The following ABTB2 variants were observed in gnomAD, a reference collection of about 807,000 sequenced individuals.
ABTB2 encodes ankyrin repeat and BTB domain containing 2, also known as ankyrin repeat and BTB/POZ domain-containing protein 2.
A neutral mutation model predicts 104.1 loss-of-function variants in ABTB2; 56 were observed. The ratio of observed to expected loss-of-function variants is 0.54; its 90% CI spans 0.43 to 0.67. The LOEUF (loss-of-function observed/expected upper bound fraction) is 0.67, where lower values mean the gene tolerates loss of function less well. ABTB2 is among the 30% of genes least tolerant of loss of function. The probability of loss-of-function intolerance (pLI) is 0.00; values close to 1 mark genes in which losing one functional copy is unlikely to be tolerated. For synonymous variants in ABTB2, 606 were observed against 608.2 expected (o/e 1.00, Z 0.05); for missense variants, 1,279 against 1,407.7 (o/e 0.91, Z 1.46).
At chr11:34,336,093 C>T (rs796711215) in intron 1 of ABTB2, 22 of 309,234 alleles carry the variant, frequency 7.1e-5, no homozygotes, top group African/African-American at 3.6e-4. Flanking sequence ...CAGAACCTGA[C>T]GTTCCTGCCA....
intron 1 of ABTB2, among the ~76,000 whole-genome samples, chr11:34,294,551 A>G (rs908700088): frequency 2.6e-5 from 4 of 152,032 alleles, no homozygotes; most frequent in African/African-American, 9.7e-5. Flanking sequence ...TTGAAAGACA[A>G]TGTGCATGAG....
intron 6 of ABTB2, 85 bp from the exon 7 acceptor site, chr11:34,167,445 A>C: frequency 9.3e-7 from 1 of 1,074,670 alleles, no homozygotes. Flanking sequence ...AGAGTTAACA[A>C]GTGCTTTCTA....
At chr11:34,240,269 C>T (rs898517669) in intron 1 of ABTB2, among the ~76,000 whole-genome samples, 7 of 152,172 alleles carry the variant, frequency 4.6e-5, no homozygotes, top group African/African-American at 1.2e-4. Flanking sequence ...TTTGATGAAC[C>T]GTCTCCATCG....
At chr11:34,345,329 C>T (rs1855317483) in intron 1 of ABTB2, among the ~76,000 whole-genome samples, 1 of 152,166 alleles carries the variant, frequency 6.6e-6, no homozygotes, top group South Asian at 2.1e-4. Flanking sequence ...GCCAGGCTGG[C>T]CTCAGGTGAT....
chr11:34,306,901 C>A (rs16925413), intron 1 of ABTB2, among the ~76,000 whole-genome samples: 1 of 149,772 alleles, frequency 6.7e-6, no homozygotes, highest in Non-Finnish European at 1.5e-5. Context: ...TACTTAAAGA[C>A]GCCTCTGGAC....
intron 1 of ABTB2, among the ~76,000 whole-genome samples, chr11:34,220,501 C>A (rs1382351253): frequency 2.0e-5 from 3 of 152,214 alleles, no homozygotes; most frequent in South Asian, 2.1e-4. Context: ...ATTGCCTCAA[C>A]TGTGACATAC....
At chr11:34,230,248 A>G (rs1237158733) in intron 1 of ABTB2, among the ~76,000 whole-genome samples, 2 of 152,212 alleles carry the variant, frequency 1.3e-5, no homozygotes, top group Non-Finnish European at 2.9e-5. Flanking sequence ...CTGCACTAAC[A>G]TCCACATCTC....
chr11:34,317,844 A>G lies in ABTB2; in HGVS notation c.883+38857T>C, dbSNP rs77682086. Among the ~76,000 whole-genome samples, 1,275 of 152,008 alleles carry G rather than the reference A, an allele frequency of 8.4e-3. 22 individuals are homozygous for G. Among genetic ancestry groups the G allele is most frequent in the African/African-American group, 0.029 (1,196 of 41,448 alleles). On this transcript the variant is annotated intron_variant, in intron 1 of 16. Coordinates refer to ENST00000435224, the MANE Select transcript of ABTB2 (RefSeq NM_145804.3). ...ACATGTGCATGTTTGTTGCATGGGT[A>G]TTACACACATAATGGTGGGGATTGG...
chr11:34,231,944 G>T (rs1315134429), intron 1 of ABTB2, among the ~76,000 whole-genome samples: 1 of 152,010 alleles, frequency 6.6e-6, no homozygotes, highest in Non-Finnish European at 1.5e-5. Flanking sequence ...AGCTCACCAA[G>T]AACAAAGAAA....
chr11:34,211,796 G>C lies in ABTB2; in HGVS notation c.884-7106C>G, dbSNP rs967292694. ...CCCAGCTACTCAGGAGGCTGAGGCA[G>C]GAGAATTGCTTGAAACTGGGAGGCA... On this transcript the variant is annotated intron_variant, in intron 1 of 16. Transcript: ENST00000435224. Among the ~76,000 whole-genome samples the C allele has an allele frequency of 2.7e-5, 4 of 150,940 alleles. No individual in the cohort carries two copies. In the Admixed American group the frequency reaches 2.7e-4, roughly 10 times the overall value.
chr11:34,337,706 A>G (rs1855208299), intron 1 of ABTB2, among the ~76,000 whole-genome samples: 1 of 152,200 alleles, frequency 6.6e-6, no homozygotes, highest in Admixed American at 6.5e-5. Context: ...AGGATTCCAC[A>G]AGATACTGCA....
intron 1 of ABTB2, among the ~76,000 whole-genome samples, chr11:34,249,764 C>T (rs1445323317): frequency 6.6e-6 from 1 of 152,240 alleles, no homozygotes; most frequent in African/African-American, 2.4e-5. Context: ...CCTGCCACAG[C>T]TTCTGAGTGG....
At chr11:34,246,621 A>C (rs1853987161) in intron 1 of ABTB2, among the ~76,000 whole-genome samples, 1 of 149,732 alleles carries the variant, frequency 6.7e-6, no homozygotes, top group African/African-American at 2.4e-5. Context: ...AAAAAAAAAA[A>C]AAAAAAGACA....
At chr11:34,249,446 C>T (rs1005729004) in intron 1 of ABTB2, among the ~76,000 whole-genome samples, 8 of 152,172 alleles carry the variant, frequency 5.3e-5, no homozygotes, top group African/African-American at 9.7e-5. Flanking sequence ...ACAAGAATAT[C>T]CCCACCAAGG....
chr11:34,335,230 G>T (rs1351829921), intron 1 of ABTB2: 6 of 1,273,544 alleles, frequency 4.7e-6, no homozygotes, highest in Non-Finnish European at 6.9e-6. Context: ...AGCATCGAAG[G>T]TCATCAACAG....
intron 1 of ABTB2, among the ~76,000 whole-genome samples, chr11:34,323,208 CA>C (rs1488812503): frequency 6.6e-6 from 1 of 152,000 alleles, no homozygotes; most frequent in African/African-American, 2.4e-5. Flanking sequence ...CGCCTGGCCG[CA>C]AATGCTTATT....
At position 34,335,443 on chromosome 11, in the gene ABTB2, C is replaced by G. The variant is rs548564652; in HGVS notation, c.883+21258G>C. ...TCAGTTTCTACTTCTTCACTCTAAA[C>G]AGTCATATTATTCTTAGTTTTCTGT... On this transcript the variant is annotated intron_variant, in intron 1 of 16. Coordinates refer to ENST00000435224, the MANE Select transcript of ABTB2 (RefSeq NM_145804.3). 2.4e-5 allele frequency: 19 copies of G among 785,468 alleles called. No homozygotes were observed. In the Middle Eastern group the frequency reaches 7.1e-4, roughly 29 times the overall value. 48.7% of individuals were successfully genotyped at this position (785,468 alleles called of 1,614,324 possible).
intron 1 of ABTB2, among the ~76,000 whole-genome samples, chr11:34,240,629 G>C (rs560079164): frequency 2.0e-5 from 3 of 152,330 alleles, no homozygotes; most frequent in Non-Finnish European, 2.9e-5. Context: ...GTCTCACTCT[G>C]TCACCCAGGC....
chr11:34,152,113 C>T lies in ABTB2; in HGVS notation c.*274G>A, dbSNP rs779607682. The stretch of plus-strand genomic sequence containing the variant: ...ACCTGCAGGAGGGGAGAGCGACACC[C>T]CGGGGGAGTGCATGGCTGCCCTTGA... On this transcript the variant is annotated 3_prime_UTR_variant, in exon 17 of 17. Coordinates refer to ENST00000435224, the MANE Select transcript of ABTB2 (RefSeq NM_145804.3). 3.4e-5 allele frequency: 16 copies of T among 465,738 alleles called. 1 individual carries two copies. Among genetic ancestry groups the T allele is most frequent in the Non-Finnish European group, 6.3e-5 (16 of 253,088 alleles). 28.9% of individuals were successfully genotyped at this position (465,738 alleles called of 1,614,324 possible). A position where few individuals can be genotyped will look rare whatever the true frequency, so the allele number is the denominator to read the frequency against.
Sources: allele counts gnomAD v4.1 joint callset (sites outside exome capture counted in the v4.1 genomes callset), GRCh38; gene constraint gnomAD v4.1.1; transcripts MANE v1.5; gene names NCBI Gene and HGNC (gene_info 2026-07-23, HGNC 2026-07-21).